Variants in KDM3A observed in about 807,000 individuals in gnomAD.
KDM3A encodes the protein lysine-specific demethylase 3A.
Under a neutral mutation model 158.0 loss-of-function variants are expected in KDM3A, and 60 were observed. That is an observed-to-expected ratio of 0.38 (90% CI 0.31 to 0.47). The LOEUF is 0.47. KDM3A is among the 20% of genes least tolerant of loss of function. The pLI is 0.99. For missense variants in KDM3A, 1,319 were observed against 1,574.3 expected, an observed-to-expected ratio of 0.84 and a Z score of 2.74; for synonymous variants, 608 against 549.3, an observed-to-expected ratio of 1.11 and a Z score of -1.49.
rs1673860726 is a variant in KDM3A at position 86,480,323 on chromosome 2, G to C, written c.2473G>C (p.Ala825Pro). The C allele has an allele frequency of 6.2e-7, 1 of 1,613,796 alleles. No homozygotes were observed. Among genetic ancestry groups the C allele is most frequent in the African/African-American group, 1.3e-5 (1 of 74,910 alleles). The change falls in exon 16 of 26, where the codon GCC (alanine) becomes CCC (proline). Residue 825 changes from alanine to proline, a missense_variant. By Grantham distance (27) the Ala-to-Pro change is conservative (BLOSUM62 -1). Around this residue, in one of 4 missense-constraint regions of KDM3A, gnomAD observed 368 missense variants for 415.8 expected, o/e 0.89. Transcript: ENST00000312912. Reference protein sequence around the residue: ...PASTSPLNWLADLTSGNVNKE... With the variant: ...PASTSPLNWLPDLTSGNVNKE... The stretch of plus-strand genomic sequence containing the variant: ...CAGCACATCTCCTCTAAACTGGCTG[G>C]CCGACCTAACCAGCGGGAATGTCAA...
At chr2:86,483,398 G>C (rs1249702789) in intron 18 of KDM3A, 1 of 152,390 alleles carries the variant, frequency 6.6e-6, no homozygotes, top group Non-Finnish European at 1.5e-5. Context: ...TGTACTAATA[G>C]GATTTGCTCA....
rs1673943955 is a variant in KDM3A, at chr2:86,481,830, A to G, written c.2513-100A>G. ...CTAAAGTATTTTTTTTGTTTCAGTA[A>G]ATAGAAAGCAAGTTCTAAAGTAATT... On this transcript the variant is annotated intron_variant, in intron 16 of 25. Coordinates refer to ENST00000312912, the MANE Select transcript of KDM3A (RefSeq NM_018433.6). The G allele has an allele frequency of 3.4e-6, 3 of 883,554 alleles. No individual in the cohort carries two copies. The East Asian group carries it at 7.6e-5, about 22-fold the overall frequency. 54.7% of individuals were successfully genotyped at this position (883,554 alleles called of 1,614,324 possible). A position where few individuals can be genotyped will look rare whatever the true frequency, so the allele number is the denominator to read the frequency against.
At position 86,491,283 on chromosome 2, in the gene KDM3A, T is replaced by A; in HGVS notation, c.3885+8T>A. ...CACGAAGATAAATTACAGGTAAAAA[T>A]AGCACCAATTCCTAGCATTCTTTGG... is the stretch of plus-strand genomic sequence containing the variant. On this transcript the variant is annotated splice_region_variant and intron_variant, in intron 25 of 25. Coordinates refer to ENST00000312912, the MANE Select transcript of KDM3A (RefSeq NM_018433.6). 6.2e-7 allele frequency: 1 copy of A among 1,613,196 alleles called. No individual in the cohort carries two copies. Among genetic ancestry groups the A allele is most frequent in the South Asian group, 1.1e-5 (1 of 91,062 alleles).
upstream of KDM3A, among the ~76,000 whole-genome samples, chr2:86,439,881 A>C (rs976705072): frequency 6.6e-6 from 1 of 152,134 alleles, no homozygotes; most frequent in African/African-American, 2.4e-5. Flanking sequence ...CATTTGATTA[A>C]ATATTTTAGC....
At position 86,470,308 on chromosome 2, in the gene KDM3A, C is replaced by G; in HGVS notation, c.1624C>G (p.Gln542Glu). 1 of 1,614,140 alleles carries G rather than the reference C, an allele frequency of 6.2e-7. No homozygotes were observed. Among genetic ancestry groups the G allele is most frequent in the Non-Finnish European group, 8.5e-7 (1 of 1,180,008 alleles). ...QDDSCVNIVA[Q>E]LPKCRECRLD... Reference sequence around the variant, plus strand: ...TGATTCTTGTGTGAACATCGTGGCACAGTTGCCTAAATGCCGAGAGTGTCG... The same window carrying G: ...TGATTCTTGTGTGAACATCGTGGCAGAGTTGCCTAAATGCCGAGAGTGTCG... Residue 542 changes from glutamine (Q) to glutamate (E), a missense_variant, in exon 11 of 26, where the codon CAG becomes GAG. Physicochemically the swap from Gln to Glu is conservative, Grantham distance 29 (BLOSUM62 2). Coordinates refer to ENST00000312912, the MANE Select transcript of KDM3A (RefSeq NM_018433.6).
intron 11 of KDM3A, among the ~76,000 whole-genome samples, chr2:86,474,202 A>G (rs556703943): frequency 1.3e-5 from 2 of 152,260 alleles, no homozygotes; most frequent in South Asian, 4.2e-4. Flanking sequence ...TTTGAGTGCA[A>G]AATATACCTC....
rs144363423 is a variant in KDM3A at position 86,455,113 on chromosome 2, C to T, written c.482C>T (p.Thr161Met). Residue 161 changes from threonine to methionine, a missense_variant, in exon 5 of 26, where the codon ACG (threonine) becomes ATG (methionine). Thr to Met is a moderately conservative substitution (Grantham distance 81, BLOSUM62 -1). Around this residue, in one of 4 missense-constraint regions of KDM3A, gnomAD observed 652 missense variants for 627.2 expected, o/e 1.04. Coordinates refer to ENST00000312912, the MANE Select transcript of KDM3A (RefSeq NM_018433.6). Reference sequence around the variant, plus strand: ...GTAAACAGTCTTCGACTTTCTCTTACGGATAATCAGATTGTCAGTAAAGAA... The same window carrying T: ...GTAAACAGTCTTCGACTTTCTCTTATGGATAATCAGATTGTCAGTAAAGAA... ...QDVNSLRLSLTDNQIVSKEFQ... is the reference protein window; with the variant it reads ...QDVNSLRLSLMDNQIVSKEFQ... 1.9e-5 allele frequency: 31 copies of T among 1,598,718 alleles called. No homozygotes were observed. In the South Asian group the frequency reaches 2.3e-4, roughly 12 times the overall value.
intron 11 of KDM3A, among the ~76,000 whole-genome samples, chr2:86,470,742 C>T (rs1673364175): frequency 6.6e-6 from 1 of 152,008 alleles, no homozygotes. Flanking sequence ...AAAATGTATA[C>T]CTAGTTGGTA....
chr2:86,460,521 G>A (rs981671603), intron 8 of KDM3A, among the ~76,000 whole-genome samples: 1 of 152,160 alleles, frequency 6.6e-6, no homozygotes, highest in Non-Finnish European at 1.5e-5. Flanking sequence ...GGCACTTTTA[G>A]GGTGGTCTTT....
intron 21 of KDM3A, 122 bp from the exon 22 acceptor site, chr2:86,489,196 C>T (rs998719886): frequency 1.1e-5 from 12 of 1,140,568 alleles, no homozygotes; most frequent in Non-Finnish European, 9.8e-6. Context: ...ATAATTTGAT[C>T]CAGAATTTTT....
chr2:86,484,652 A>G (rs1674097199), intron 19 of KDM3A: 1 of 325,418 alleles, frequency 3.1e-6, no homozygotes, highest in Non-Finnish European at 5.7e-6. Context: ...CTTCTAGGAA[A>G]GACAAGGCCC....
chr2:86,477,482 A>AT (rs1673713393), intron 12 of KDM3A, among the ~76,000 whole-genome samples: 1 of 152,160 alleles, frequency 6.6e-6, no homozygotes, highest in Non-Finnish European at 1.5e-5. Context: ...AGCCTGGAAC[A>AT]TGCTGCCTTT....
Position 86,466,594 on chromosome 2 carries a change from G to T in KDM3A, c.1230G>T (p.Leu410Phe). 2 of 1,613,916 alleles carry T rather than the reference G, an allele frequency of 1.2e-6. No homozygotes were observed. The highest frequency in any genetic ancestry group is 2.2e-5 in the South Asian group (2 of 91,044). Residue 410 changes from leucine (L) to phenylalanine (F), a missense_variant, in exon 10 of 26, where the codon TTG (leucine) becomes TTT (phenylalanine). Around this residue, in one of 4 missense-constraint regions of KDM3A, gnomAD observed 652 missense variants for 627.2 expected, o/e 1.04. Coordinates refer to ENST00000312912, the MANE Select transcript of KDM3A (RefSeq NM_018433.6). ...ENRLESVPQA[L>F]TGLPKECLPT... Reference sequence around the variant, plus strand: ...GATTGGAGTCTGTTCCACAAGCATTGACTGGCCTTCCTAAGGAGTGCTTAC... The same window carrying T: ...GATTGGAGTCTGTTCCACAAGCATTTACTGGCCTTCCTAAGGAGTGCTTAC...
chr2:86,491,982 A>C, intron 25 of KDM3A, 57 bp from the exon 26 acceptor site: 1 of 1,099,538 alleles, frequency 9.1e-7, no homozygotes, highest in Non-Finnish European at 1.4e-6. Context: ...GCTTATTCTT[A>C]GTGACAGGTT....
intron 8 of KDM3A, among the ~76,000 whole-genome samples, chr2:86,461,817 A>G (rs1266521753): frequency 6.6e-6 from 1 of 152,196 alleles, no homozygotes; most frequent in East Asian, 1.9e-4. Flanking sequence ...GGCCCAGGCA[A>G]GAAAGGGCTT....
At chr2:86,471,744 C>T (rs966909362) in intron 11 of KDM3A, among the ~76,000 whole-genome samples, 1 of 152,062 alleles carries the variant, frequency 6.6e-6, no homozygotes, top group African/African-American at 2.4e-5. Context: ...CTAGTTTGCC[C>T]CATTCATCCC....
intron 8 of KDM3A, among the ~76,000 whole-genome samples, chr2:86,458,479 A>G (rs1672796497): frequency 6.6e-6 from 1 of 152,222 alleles, no homozygotes; most frequent in Non-Finnish European, 1.5e-5. Flanking sequence ...CATCCATCCA[A>G]GAAACCATAG....
intron 15 of KDM3A, chr2:86,479,228 T>C (rs991439971): frequency 6.5e-6 from 1 of 152,976 alleles, no homozygotes; most frequent in African/African-American, 2.4e-5. Flanking sequence ...CTCTCCTTGG[T>C]GGCATCCCTC....
At chr2:86,443,008 G>A (rs1682801078) in intron 2 of KDM3A, among the ~76,000 whole-genome samples, 1 of 152,152 alleles carries the variant, frequency 6.6e-6, no homozygotes, top group African/African-American at 2.4e-5. Context: ...AAAGACAGAT[G>A]AATTCTGATT....
Sources: allele counts gnomAD v4.1 joint callset (sites outside exome capture counted in the v4.1 genomes callset), GRCh38; gene constraint gnomAD v4.1.1; regional missense constraint gnomAD v4.1.1; transcripts MANE v1.5; gene names NCBI Gene and HGNC (gene_info 2026-07-23, HGNC 2026-07-21).